The following GOLM2 variants were observed in gnomAD, a reference collection of about 807,000 sequenced individuals.
The protein encoded by GOLM2 is protein GOLM2.
GOLM2 carries 26 observed loss-of-function variants against 55.9 expected under a neutral mutation model. The ratio of observed to expected loss-of-function variants is 0.47; its 90% CI spans 0.34 to 0.65. GOLM2 has a LOEUF of 0.65. Among genes scored for constraint, GOLM2 ranks in the 30% least tolerant of loss-of-function variants. The pLI, the probability that GOLM2 is intolerant of heterozygous loss-of-function variation, is 0.01. For missense variants in GOLM2, 486 were observed against 531.8 expected, an observed-to-expected ratio of 0.91 and a Z score of 0.85; for synonymous variants, 165 against 194.6, an observed-to-expected ratio of 0.85 and a Z score of 1.27.
chr15:44,310,111 T>C (rs997499036), intron 1 of GOLM2, among the ~76,000 whole-genome samples: 1 of 152,162 alleles, frequency 6.6e-6, no homozygotes, highest in Non-Finnish European at 1.5e-5. Flanking sequence ...CTGAAACTCC[T>C]GACCTCAAGC....
chr15:44,398,997 A>G (rs924180325), intron 8 of GOLM2, among the ~76,000 whole-genome samples: 1 of 151,994 alleles, frequency 6.6e-6, no homozygotes, highest in East Asian at 1.9e-4. Context: ...GCTTGTTCAA[A>G]CTTACTCTAA....
chr15:44,304,181 G>C (rs1339888712), intron 1 of GOLM2, among the ~76,000 whole-genome samples: 1 of 134,772 alleles, frequency 7.4e-6, no homozygotes, highest in Non-Finnish European at 1.6e-5. Flanking sequence ...GCCTATTCAA[G>C]TTTTATCATG....
intron 6 of GOLM2, among the ~76,000 whole-genome samples, chr15:44,376,268 A>G (rs1322158756): frequency 2.0e-5 from 3 of 152,004 alleles, no homozygotes; most frequent in African/African-American, 7.2e-5. Flanking sequence ...AAAAACAAAG[A>G]TACCTATGTT....
chr15:44,312,142 T>C (rs997021450), intron 1 of GOLM2, among the ~76,000 whole-genome samples: 1 of 152,218 alleles, frequency 6.6e-6, no homozygotes, highest in African/African-American at 2.4e-5. Flanking sequence ...TTCCTCCCTA[T>C]CCAGCTGAGA....
At chr15:44,335,195 T>C (rs2079048536) in intron 4 of GOLM2, among the ~76,000 whole-genome samples, 1 of 152,166 alleles carries the variant, frequency 6.6e-6, no homozygotes, top group South Asian at 2.1e-4. Context: ...AAATGTATCA[T>C]GGTAATTATG....
At chr15:44,326,603 A>G (rs536893304) in intron 2 of GOLM2, among the ~76,000 whole-genome samples, 1 of 150,574 alleles carries the variant, frequency 6.6e-6, no homozygotes, top group African/African-American at 2.4e-5. Context: ...TTATATGTTT[A>G]CATCTGCTGT....
chr15:44,324,528 T>G (rs1276810069), intron 2 of GOLM2, among the ~76,000 whole-genome samples: 1 of 152,074 alleles, frequency 6.6e-6, no homozygotes, highest in Non-Finnish European at 1.5e-5. Context: ...ACTTGCCTTT[T>G]ATAGGCAAGT....
intron 1 of GOLM2, among the ~76,000 whole-genome samples, chr15:44,306,492 A>G (rs898136440): frequency 1.3e-5 from 2 of 152,182 alleles, no homozygotes; most frequent in African/African-American, 4.8e-5. Context: ...CATATCAGCA[A>G]CAGTAAGGCT....
chr15:44,297,857 C>T (rs561593214), intron 1 of GOLM2, among the ~76,000 whole-genome samples: 6 of 147,552 alleles, frequency 4.1e-5, no homozygotes, highest in East Asian at 2.0e-4. Context: ...TGTGAGCCAC[C>T]GCACCTGGCC....
chr15:44,344,197 C>T (rs1177051534), intron 6 of GOLM2, among the ~76,000 whole-genome samples: 2 of 150,278 alleles, frequency 1.3e-5, no homozygotes, highest in Non-Finnish European at 3.0e-5. Flanking sequence ...GAGGCGGAGG[C>T]TTCAGTGAGC....
chr15:44,344,690 A>G (rs1185231583), intron 6 of GOLM2, among the ~76,000 whole-genome samples: 1 of 152,100 alleles, frequency 6.6e-6, no homozygotes, highest in African/African-American at 2.4e-5. Flanking sequence ...TCCTAGACCC[A>G]AGCAATCCTT....
At chr15:44,364,336 C>T (rs1467879402) in intron 6 of GOLM2, among the ~76,000 whole-genome samples, 1 of 151,406 alleles carries the variant, frequency 6.6e-6, no homozygotes, top group Admixed American at 6.6e-5. Flanking sequence ...CCAGCCTGGG[C>T]AATATGACAA....
intron 4 of GOLM2, among the ~76,000 whole-genome samples, chr15:44,335,465 T>A (rs1163700613): frequency 6.6e-6 from 1 of 152,234 alleles, no homozygotes; most frequent in Non-Finnish European, 1.5e-5. Flanking sequence ...AAAGTATTTT[T>A]GAACAGTAGC....
At chr15:44,400,574 CTTTTTTT>C (rs59386038) in intron 8 of GOLM2, among the ~76,000 whole-genome samples, 6 of 111,020 alleles carry the variant, frequency 5.4e-5, no homozygotes, top group African/African-American at 1.6e-4. Flanking sequence ...GCCTTGCCGC[CTTTTTTT>C]TTTTTTTTTT....
At chr15:44,310,454 CTATATATATATATATGTATA>C (rs1236585789) in intron 1 of GOLM2, among the ~76,000 whole-genome samples, 17 of 142,606 alleles carry the variant, frequency 1.2e-4, no homozygotes, top group South Asian at 2.2e-4. Context: ...CTCTCTCTCT[CTATATATATATATATGTATA>C]TATATATATA....
intron 8 of GOLM2, among the ~76,000 whole-genome samples, chr15:44,399,393 T>C (rs570981371): frequency 6.6e-6 from 1 of 152,324 alleles, no homozygotes; most frequent in African/African-American, 2.4e-5. Context: ...AACGTGATAA[T>C]TCTGTATATA....
intron 9 of GOLM2, among the ~76,000 whole-genome samples, chr15:44,403,314 C>A (rs2079578142): frequency 6.6e-6 from 1 of 152,112 alleles, no homozygotes; most frequent in African/African-American, 2.4e-5. Context: ...AGGCATGCAC[C>A]ACCACGCCTG....
intron 2 of GOLM2, among the ~76,000 whole-genome samples, chr15:44,325,409 A>T (rs1329975585): frequency 6.6e-6 from 1 of 152,204 alleles, no homozygotes; most frequent in African/African-American, 2.4e-5. Flanking sequence ...TGATAGATGA[A>T]TTTCAAATAC....
chr15:44,396,529 T>C (rs981709119), intron 8 of GOLM2, among the ~76,000 whole-genome samples: 25 of 152,228 alleles, frequency 1.6e-4, no homozygotes, highest in African/African-American at 5.1e-4. Context: ...AAAGTTTATC[T>C]ATTCCACATG....
Sources: allele counts gnomAD v4.1 joint callset (sites outside exome capture counted in the v4.1 genomes callset), GRCh38; gene constraint gnomAD v4.1.1; transcripts MANE v1.5; gene names NCBI Gene and HGNC (gene_info 2026-07-23, HGNC 2026-07-21).